MCCC1: variants seen among roughly 807,000 people sequenced by gnomAD.
MCCC1 encodes methylcrotonyl-CoA carboxylase subunit 1.
In MCCC1, 64 loss-of-function variants were observed where a neutral mutation model predicts 83.8. The observed-to-expected ratio is 0.76, with a 90% confidence interval of 0.62 to 0.94. The LOEUF (loss-of-function observed/expected upper bound fraction) is 0.94, where lower values mean the gene tolerates loss of function less well. Ranked by LOEUF, MCCC1 falls within the 40% of genes least tolerant of loss-of-function variation. The probability of loss-of-function intolerance (pLI) is 0.00; values close to 1 mark genes in which losing one functional copy is unlikely to be tolerated. For synonymous variants in MCCC1, 322 were observed against 315.4 expected, an observed-to-expected ratio of 1.02 and a Z score of -0.22; for missense variants, 807 against 904.7, an observed-to-expected ratio of 0.89 and a Z score of 1.39.
Position 183,072,496 on chromosome 3 carries a change from G to A in MCCC1, c.370-9C>T, listed in dbSNP as rs1437571268. 6.2e-7 allele frequency: 1 copy of A among 1,613,202 alleles called. No individual in the cohort carries two copies. The highest frequency in any genetic ancestry group is 2.2e-5 in the East Asian group (1 of 44,848). On this transcript the variant is annotated splice_polypyrimidine_tract_variant and intron_variant, in intron 4 of 18. Coordinates refer to ENST00000265594, the MANE Select transcript of MCCC1 (RefSeq NM_020166.5). ...CATCCTGGATGGATAGCCTAGAAAT[G>A]AGAAATAAAATAAAAAATTTACTCA...
Position 183,052,209 on chromosome 3 carries a change from A to G in MCCC1, c.905T>C (p.Leu302Pro), listed in dbSNP as rs1450174258. 6.2e-7 allele frequency: 1 copy of G among 1,614,104 alleles called. No homozygotes were observed. Reference sequence around the variant, plus strand: ...AGCAGCTCTGACTGCAGCTTCTCCCAGCTTTTTTCTTACTTCAGATTTAAT... The same window carrying G: ...AGCAGCTCTGACTGCAGCTTCTCCCGGCTTTTTTCTTACTTCAGATTTAAT... ...PGIKSEVRKK[L>P]GEAAVRAAKA... The change falls in exon 9 of 19, where the codon CTG becomes CCG. Residue 302 changes from leucine to proline, a missense_variant. Transcript: ENST00000265594.
chr3:183,036,993 T>A (rs899210572), intron 13 of MCCC1, among the ~76,000 whole-genome samples: 4 of 152,046 alleles, frequency 2.6e-5, no homozygotes, highest in Non-Finnish European at 4.4e-5. Flanking sequence ...ATTTCTACAA[T>A]GTTAGGTGAT....
chr3:183,034,216 C>T (rs1212397656), intron 13 of MCCC1, 139 bp from the exon 14 acceptor site: 25 of 633,312 alleles, frequency 3.9e-5, no homozygotes, highest in South Asian at 3.1e-4. Context: ...TTTGGGAGGC[C>T]AAGGCGGGCG....
At chr3:183,046,759 T>C (rs1427407946) in intron 9 of MCCC1, among the ~76,000 whole-genome samples, 1 of 152,210 alleles carries the variant, frequency 6.6e-6, no homozygotes, top group Non-Finnish European at 1.5e-5. Context: ...GCTGCCACTC[T>C]GTCCTATCAA....
At chr3:183,035,643 G>A (rs533946475) in intron 13 of MCCC1, among the ~76,000 whole-genome samples, 8 of 151,904 alleles carry the variant, frequency 5.3e-5, no homozygotes, top group South Asian at 2.1e-4. Flanking sequence ...AAAAGCTTCC[G>A]ATTCTGGAGC....
intron 4 of MCCC1, among the ~76,000 whole-genome samples, chr3:183,084,884 CT>C (rs1717778168): frequency 6.6e-6 from 1 of 152,066 alleles, no homozygotes; most frequent in African/African-American, 2.4e-5. Context: ...AAGTGAACCC[CT>C]GTCTCAAAAA....
chr3:183,023,667 G>A (rs542094057), intron 15 of MCCC1, among the ~76,000 whole-genome samples: 8 of 152,306 alleles, frequency 5.3e-5, no homozygotes, highest in South Asian at 2.1e-4. Context: ...GTGTCTCAAA[G>A]TGTTGGGAGG....
At chr3:183,068,445 G>C (rs1226340054) in intron 7 of MCCC1, among the ~76,000 whole-genome samples, 1 of 152,078 alleles carries the variant, frequency 6.6e-6, no homozygotes, top group Admixed American at 6.6e-5. Flanking sequence ...ACCCTATATG[G>C]TCTAAAAAGG....
intron 4 of MCCC1, among the ~76,000 whole-genome samples, chr3:183,085,556 G>T (rs192883795): frequency 6.6e-6 from 1 of 151,668 alleles, no homozygotes; most frequent in Admixed American, 6.6e-5. Flanking sequence ...TTGAGCCTGG[G>T]TGTTGGAAGC....
chr3:183,070,658 G>A (rs975360327), intron 7 of MCCC1, among the ~76,000 whole-genome samples: 10 of 151,946 alleles, frequency 6.6e-5, no homozygotes, highest in African/African-American at 1.5e-4. Context: ...GCTTGAACTC[G>A]GGAGGCAGAG....
rs1717520776 is a variant in MCCC1, at chr3:183,081,823, C to T, written c.369+4870G>A. Among the ~76,000 whole-genome samples the T allele has an allele frequency of 4.6e-5, 7 of 152,270 alleles. No homozygotes were observed. In the South Asian group the frequency reaches 1.4e-3, roughly 32 times the overall value. On this transcript the variant is annotated intron_variant, in intron 4 of 18. Transcript: ENST00000265594. ...GCTTGACATGGTGGGAGCACTGGCA[C>T]CCAGAGAGAGTGCCAAAGTTGTCCA...
chr3:183,053,244 G>T (rs2108499100), intron 8 of MCCC1, among the ~76,000 whole-genome samples: 1 of 152,230 alleles, frequency 6.6e-6, no homozygotes, highest in East Asian at 1.9e-4. Flanking sequence ...GCCGAGACGG[G>T]TGAAGCACTT....
chr3:183,094,747 A>G (rs1718616859), intron 1 of MCCC1, 142 bp from the exon 2 acceptor site: 2 of 808,144 alleles, frequency 2.5e-6, no homozygotes, highest in Non-Finnish European at 4.2e-6. Flanking sequence ...TGGGTAGAAA[A>G]CTAATCTAGA....
At chr3:183,046,601 T>C (rs1485148284) in intron 9 of MCCC1, among the ~76,000 whole-genome samples, 1 of 152,044 alleles carries the variant, frequency 6.6e-6, no homozygotes, top group Non-Finnish European at 1.5e-5. Context: ...GGTTTCACCA[T>C]GTTGGCCAGG....
chr3:183,022,974 C>CA (rs146449896), intron 15 of MCCC1, among the ~76,000 whole-genome samples: 3,802 of 152,168 alleles, frequency 0.025, 142 homozygotes, highest in East Asian at 0.097. Flanking sequence ...GTGCCAAAGT[C>CA]AGTCACCAAA....
chr3:183,038,031 ATTCC>A (rs2108472112), intron 12 of MCCC1, among the ~76,000 whole-genome samples: 1 of 152,338 alleles, frequency 6.6e-6, no homozygotes, highest in South Asian at 2.1e-4. Context: ...TCACTCATCC[ATTCC>A]TTCATTCATT....
chr3:183,070,791 T>C (rs966551797), intron 7 of MCCC1, among the ~76,000 whole-genome samples: 2 of 152,128 alleles, frequency 1.3e-5, no homozygotes, highest in African/African-American at 4.8e-5. Flanking sequence ...TTGCTGTATG[T>C]ATATGTATAT....
intron 8 of MCCC1, 133 bp downstream of exon 8, chr3:183,057,178 C>T: frequency 1.3e-6 from 1 of 748,764 alleles, no homozygotes; most frequent in Non-Finnish European, 2.3e-6. Context: ...TTTCACTACA[C>T]TGCTATTAGG....
intron 4 of MCCC1, among the ~76,000 whole-genome samples, chr3:183,082,813 A>AAAAC (rs1036582977): frequency 1.3e-5 from 2 of 152,146 alleles, no homozygotes; most frequent in South Asian, 2.1e-4. Context: ...CTTTGTTTCA[A>AAAAC]AAACAAACAA....
Sources: gnomAD v4.1 joint callset for allele counts (sites outside exome capture counted in the v4.1 genomes callset) on GRCh38, gnomAD v4.1.1 for gene constraint, MANE v1.5 for transcripts, NCBI Gene and HGNC (gene_info 2026-07-23, HGNC 2026-07-21) for gene names.